The following LIMD1 variants were observed in gnomAD, a reference collection of about 807,000 sequenced individuals.
LIMD1 encodes LIM domain containing 1.
In LIMD1, 23 loss-of-function variants were observed where a neutral mutation model predicts 58.4. The ratio of observed to expected loss-of-function variants is 0.39; its 90% CI spans 0.28 to 0.56. The LOEUF (loss-of-function observed/expected upper bound fraction) is 0.56. LIMD1 is among the 20% of genes least tolerant of loss of function. LIMD1 has a pLI of 0.57. For synonymous variants in LIMD1, 334 were observed against 345.5 expected, an observed-to-expected ratio of 0.97 and a Z score of 0.37; for missense variants, 838 against 855.5, an observed-to-expected ratio of 0.98 and a Z score of 0.25.
intron 1 of LIMD1, among the ~76,000 whole-genome samples, chr3:45,610,565 G>A (rs1701513795): frequency 6.6e-6 from 1 of 152,184 alleles, no homozygotes; most frequent in Non-Finnish European, 1.5e-5. Flanking sequence ...CATGCATGGT[G>A]GCTTTGATTT....
Position 45,683,698 on chromosome 3 carries a change from G to A in LIMD1, c.*6639G>A, listed in dbSNP as rs1697772879. ...CCAAGTAACCAATGGGAAACCTCTA[G>A]AGGGTATTTAAATCCCAGAAAATTC... On this transcript the variant is annotated 3_prime_UTR_variant, in exon 8 of 8. Transcript: ENST00000273317. 6.6e-6 allele frequency: 1 copy of A among 152,230 alleles called. No homozygotes were observed. The highest frequency in any genetic ancestry group is 2.4e-5 in the African/African-American group (1 of 41,454). 9.4% of individuals were successfully genotyped at this position (152,230 alleles called of 1,614,324 possible).
At chr3:45,641,132 G>A (rs1575355866) in intron 2 of LIMD1, among the ~76,000 whole-genome samples, 1 of 152,174 alleles carries the variant, frequency 6.6e-6, no homozygotes, top group East Asian at 1.9e-4. Flanking sequence ...GCACAGCTGG[G>A]GGTCTGGGTG....
rs371725108 is a variant in LIMD1, at chr3:45,650,947, CCCA to C, written c.1511-14699_1511-14697del. Among the ~76,000 whole-genome samples the C allele has an allele frequency of 7.5e-4, 114 of 151,790 alleles. 1 individual carries two copies. In the East Asian group the frequency reaches 0.019, roughly 26 times the overall value. ...CACAATGGTTGAACTAATTTACACT[CCCA>C]CCAACAGTGTAAAAGCGTTCCTGTT... is the stretch of plus-strand genomic sequence containing the variant. On this transcript the variant is annotated intron_variant, in intron 2 of 7. Transcript: ENST00000273317.
intron 3 of LIMD1, 58 bp from the exon 4 acceptor site, chr3:45,668,236 A>G: frequency 7.6e-7 from 1 of 1,319,488 alleles, no homozygotes. Flanking sequence ...GCTGTTGGGG[A>G]AGTGGCTGAT....
Position 45,595,754 on chromosome 3 carries a change from C to G in LIMD1, c.875C>G (p.Pro292Arg). The change falls in exon 1 of 8, where the codon CCC (proline) becomes CGC (arginine). Residue 292 changes from proline to arginine, a missense_variant. Pro to Arg is a moderately radical substitution (Grantham distance 103, BLOSUM62 -2). Coordinates refer to ENST00000273317, the MANE Select transcript of LIMD1 (RefSeq NM_014240.3). ...GCACCAGCTGTGGGGCCTGTTCAGC[C>G]CAGGACCCCTTCTGTGTCAGCACCC... ...NGAPAVGPVQPRTPSVSAPLA... is the reference protein window; with the variant it reads ...NGAPAVGPVQRRTPSVSAPLA... 2 of 1,614,086 alleles carry G rather than the reference C, an allele frequency of 1.2e-6. No homozygotes were observed. The highest frequency in any genetic ancestry group is 1.6e-4 in the Middle Eastern group (1 of 6,062).
At position 45,677,126 on chromosome 3, in the gene LIMD1, G is replaced by A; in HGVS notation, c.*67G>A. ...GGGGTTGCTGCTGCTGCTTCCGGTGGCCCCTGGGGTGGAAGTGGGGTAGGG... is the reference window on the plus strand; with the variant it reads ...GGGGTTGCTGCTGCTGCTTCCGGTGACCCCTGGGGTGGAAGTGGGGTAGGG... On this transcript the variant is annotated 3_prime_UTR_variant, in exon 8 of 8. Coordinates refer to ENST00000273317, the MANE Select transcript of LIMD1 (RefSeq NM_014240.3). 4 of 1,573,040 alleles carry A rather than the reference G, an allele frequency of 2.5e-6. No homozygotes were observed. Among genetic ancestry groups the A allele is most frequent in the South Asian group, 1.1e-5 (1 of 88,738 alleles).
At chr3:45,635,798 C>T (rs1179046057) in intron 1 of LIMD1, 2 of 532,164 alleles carry the variant, frequency 3.8e-6, no homozygotes, top group East Asian at 3.1e-4. Flanking sequence ...GCATGCTTGG[C>T]ATATTATAGT....
chr3:45,661,744 G>A (rs1697443719), intron 2 of LIMD1, among the ~76,000 whole-genome samples: 1 of 152,150 alleles, frequency 6.6e-6, no homozygotes, highest in Non-Finnish European at 1.5e-5. Flanking sequence ...GATAGGTAAA[G>A]CATAGGGTTT....
intron 2 of LIMD1, among the ~76,000 whole-genome samples, chr3:45,661,242 C>G (rs532525633): frequency 5.3e-5 from 8 of 152,242 alleles, no homozygotes; most frequent in African/African-American, 1.7e-4. Flanking sequence ...TCACCTATTT[C>G]TTACACTCAA....
intron 2 of LIMD1, among the ~76,000 whole-genome samples, chr3:45,660,097 G>A (rs1159272657): frequency 6.6e-6 from 1 of 152,170 alleles, no homozygotes; most frequent in Non-Finnish European, 1.5e-5. Flanking sequence ...AGATTCCTTA[G>A]AACTTGCTAA....
At chr3:45,654,343 T>C (rs1168857743) in intron 2 of LIMD1, among the ~76,000 whole-genome samples, 2 of 152,218 alleles carry the variant, frequency 1.3e-5, no homozygotes, top group Non-Finnish European at 2.9e-5. Context: ...GTTTCCAGAA[T>C]AGGTTATAGC....
At chr3:45,603,208 A>G (rs1701433460) in intron 1 of LIMD1, among the ~76,000 whole-genome samples, 1 of 152,182 alleles carries the variant, frequency 6.6e-6, no homozygotes, top group Non-Finnish European at 1.5e-5. Context: ...ATGGTGCTTA[A>G]TTCCAGCCTA....
intron 1 of LIMD1, among the ~76,000 whole-genome samples, chr3:45,620,688 CA>C (rs1701620998): frequency 6.6e-6 from 1 of 152,120 alleles, no homozygotes; most frequent in South Asian, 2.1e-4. Context: ...AAGATTGCAC[CA>C]TTGCACTCCA....
At chr3:45,608,613 G>A (rs1701490656) in intron 1 of LIMD1, among the ~76,000 whole-genome samples, 1 of 152,138 alleles carries the variant, frequency 6.6e-6, no homozygotes, top group South Asian at 2.1e-4. Flanking sequence ...GCCGAGGCGG[G>A]CGGATCACTT....
chr3:45,645,911 A>G (rs1344743212), intron 2 of LIMD1, among the ~76,000 whole-genome samples: 2 of 151,552 alleles, frequency 1.3e-5, no homozygotes, highest in Non-Finnish European at 2.9e-5. Flanking sequence ...CAGTGGATCC[A>G]TGCCTGTAAG....
chr3:45,651,560 A>C (rs1701974718), intron 2 of LIMD1, among the ~76,000 whole-genome samples: 1 of 152,092 alleles, frequency 6.6e-6, no homozygotes, highest in African/African-American at 2.4e-5. Context: ...ATGGCTAGCC[A>C]GTTTTCCCAG....
At chr3:45,647,955 G>T (rs57002176) in intron 2 of LIMD1, among the ~76,000 whole-genome samples, 4,597 of 152,136 alleles carry the variant, frequency 0.03, 76 homozygotes, top group Non-Finnish European at 0.041. Context: ...TCTCCCTTCA[G>T]TGTCTTCCAT....
intron 5 of LIMD1, among the ~76,000 whole-genome samples, chr3:45,673,147 A>G (rs577898793): frequency 2.0e-5 from 3 of 152,216 alleles, no homozygotes; most frequent in East Asian, 1.9e-4. Context: ...CAAGGCCCCT[A>G]TGCAGTGCTG....
At chr3:45,617,916 T>A (rs1009352600) in intron 1 of LIMD1, among the ~76,000 whole-genome samples, 1 of 152,240 alleles carries the variant, frequency 6.6e-6, no homozygotes, top group Non-Finnish European at 1.5e-5. Flanking sequence ...TGGTATAGCC[T>A]TCCTCCTCTT....
Sources: gnomAD v4.1 joint callset for allele counts (sites outside exome capture counted in the v4.1 genomes callset) on GRCh38, gnomAD v4.1.1 for gene constraint, MANE v1.5 for transcripts, NCBI Gene and HGNC (gene_info 2026-07-23, HGNC 2026-07-21) for gene names.